The following CFI variants were observed in gnomAD, a reference collection of about 807,000 sequenced individuals.
The protein encoded by CFI is C3B/C4B inactivator.
In CFI, 66 loss-of-function variants were observed where a neutral mutation model predicts 78.8. The observed-to-expected ratio is 0.84, with a 90% CI of 0.69 to 1.03. CFI has a LOEUF of 1.03. Ranked by LOEUF, CFI falls within the 50% of genes least tolerant of loss-of-function variation. The probability of loss-of-function intolerance (pLI) is 0.00; values close to 1 mark genes in which losing one functional copy is unlikely to be tolerated. For missense variants in CFI, 706 were observed against 704.5 expected (o/e 1.00, Z -0.02); for synonymous variants, 250 against 232.6 (o/e 1.07, Z -0.68).
At chr4:109,793,350 CATGT>C (rs748145489) in intron 1 of CFI, 6 of 152,182 alleles carry the variant, frequency 3.9e-5, no homozygotes, top group Non-Finnish European at 5.9e-5. Flanking sequence ...TCTTTTAACT[CATGT>C]GGGAAAGGAA....
intron 1 of CFI, among the ~76,000 whole-genome samples, chr4:109,769,530 G>T (rs561264225): frequency 4.6e-5 from 7 of 152,096 alleles, no homozygotes; most frequent in African/African-American, 7.2e-5. Context: ...TGATTCTTAC[G>T]GCTGAGAACT....
In CFI at chr4:109,766,770, A is replaced by G. The variant is rs1727815985; in HGVS notation, c.112T>C (p.Tyr38His). The part of the protein sequence containing the change: ...LVEKKCLAKK[Y>H]THLSCDKVFC... ...ACTTTATCGCAGGAGAGGTGAGTAT[A>G]TTTTTTTGCTAAGCACTTTTTCTCC... The change falls in exon 2 of 13, where the codon TAT becomes CAT. Residue 38 changes from tyrosine (Y) to histidine (H), a missense_variant. By Grantham distance (83) the Tyr-to-His change is moderately conservative. Coordinates refer to ENST00000394634, the MANE Select transcript of CFI (RefSeq NM_000204.5). The G allele has an allele frequency of 6.2e-7, 1 of 1,614,132 alleles. No homozygotes were observed. The highest frequency in any genetic ancestry group is 8.5e-7 in the Non-Finnish European group (1 of 1,180,010).
intron 1 of CFI, among the ~76,000 whole-genome samples, chr4:109,779,010 A>G (rs986597456): frequency 2.2e-4 from 33 of 152,158 alleles, no homozygotes; most frequent in Admixed American, 3.3e-4. Context: ...TTTATGACAA[A>G]CCCACAGCCA....
chr4:109,788,618 T>C (rs1731023066), intron 1 of CFI, among the ~76,000 whole-genome samples: 1 of 152,028 alleles, frequency 6.6e-6, no homozygotes, highest in Non-Finnish European at 1.5e-5. Context: ...GTTTAGTGTA[T>C]TTGTCCCACA....
intron 1 of CFI, among the ~76,000 whole-genome samples, chr4:109,777,500 C>G (rs1729411960): frequency 6.6e-6 from 1 of 152,132 alleles, no homozygotes; most frequent in East Asian, 1.9e-4. Context: ...TAGAGACCTA[C>G]AAAGAGACTT....
In CFI at chr4:109,800,654, A is replaced by G. The variant is rs557024859; in HGVS notation, c.57+1261T>C. The stretch of plus-strand genomic sequence containing the variant: ...AAAACCGAAAACAGAAAATAGAATC[A>G]CCAGTAATCTTATTAGCCAATGATA... On this transcript the variant is annotated intron_variant, in intron 1 of 12. Transcript: ENST00000394634. Among the ~76,000 whole-genome samples, 378 of 152,150 alleles carry G rather than the reference A, an allele frequency of 2.5e-3. 3 individuals are homozygous for G. Among genetic ancestry groups the G allele is most frequent in the African/African-American group, 8.7e-3 (361 of 41,506 alleles).
chr4:109,740,809 G>T lies in CFI; in HGVS notation c.*84C>A. 1 of 1,290,298 alleles carries T rather than the reference G, an allele frequency of 7.8e-7. No individual in the cohort carries two copies. 79.9% of individuals were successfully genotyped at this position (1,290,298 alleles called of 1,614,324 possible). On this transcript the variant is annotated 3_prime_UTR_variant, in exon 13 of 13. Coordinates refer to ENST00000394634, the MANE Select transcript of CFI (RefSeq NM_000204.5). The stretch of plus-strand genomic sequence containing the variant: ...AGATTTGCTTCATTTTTCCCCCCTA[G>T]AGAATTATTAATTATACCGTTTTAT...
intron 1 of CFI, among the ~76,000 whole-genome samples, chr4:109,773,343 T>C (rs1360238074): frequency 6.6e-6 from 1 of 152,026 alleles, no homozygotes; most frequent in Non-Finnish European, 1.5e-5. Context: ...CTGGCCAACA[T>C]GGTCTCTACT....
At chr4:109,783,690 A>C (rs116771004) in intron 1 of CFI, among the ~76,000 whole-genome samples, 109 of 151,634 alleles carry the variant, frequency 7.2e-4, no homozygotes, top group African/African-American at 2.6e-3. Context: ...ACTCAGAGGA[A>C]AATAAGTTAT....
At chr4:109,745,523 A>G (rs1478482419) in intron 11 of CFI, among the ~76,000 whole-genome samples, 3 of 152,164 alleles carry the variant, frequency 2.0e-5, no homozygotes, top group Non-Finnish European at 2.9e-5. Context: ...TTCTAATCTA[A>G]TCTCTAATTC....
the CFI span, among the ~76,000 whole-genome samples, chr4:109,735,186 C>T: frequency 4.6e-5 from 7 of 152,248 alleles, no homozygotes; most frequent in African/African-American, 1.4e-4. Context: ...AATTCTTGGG[C>T]TCAAGTGATC....
intron 1 of CFI, among the ~76,000 whole-genome samples, chr4:109,770,990 G>C (rs763616482): frequency 2.6e-5 from 4 of 152,160 alleles, no homozygotes; most frequent in Non-Finnish European, 5.9e-5. Context: ...AAACAGCAAA[G>C]ATTTGAAAGT....
At chr4:109,788,506 T>C (rs1731011188) in intron 1 of CFI, among the ~76,000 whole-genome samples, 1 of 152,088 alleles carries the variant, frequency 6.6e-6, no homozygotes, top group South Asian at 2.1e-4. Context: ...CCTAACCATA[T>C]CTTTCAGTGA....
rs80330074 is a variant in CFI, at chr4:109,770,067, C to T, written c.58-3243G>A. 9.4e-3 allele frequency among the ~76,000 whole-genome samples: 1,432 copies of T among 152,246 alleles called. 65 individuals are homozygous for T. In the East Asian group the frequency reaches 0.13, roughly 13 times the overall value. On this transcript the variant is annotated intron_variant, in intron 1 of 12. Transcript: ENST00000394634. ...TGCAGGTGGGAGATGGAAGGGAAAA[C>T]GCTACCTCACTCTGTTACATAAAAT...
rs74356144 is a variant in CFI, at chr4:109,755,502, T to C, written c.904+2261A>G. ...GGCCTAATAAGAAGGGATTAGGTCA[T>C]GAGGGCTCTTCCCTCATTAATAGAT... On this transcript the variant is annotated intron_variant, in intron 7 of 12. Transcript: ENST00000394634. Among the ~76,000 whole-genome samples the C allele has an allele frequency of 9.3e-3, 1,419 of 152,292 alleles. 62 individuals carry two copies. In the East Asian group the frequency reaches 0.13, roughly 14 times the overall value.
At chr4:109,746,603 C>T in intron 10 of CFI, 101 bp from the exon 11 acceptor site, 1 of 1,008,260 alleles carries the variant, frequency 9.9e-7, no homozygotes, top group Non-Finnish European at 1.4e-6. Flanking sequence ...AAACCTTTTT[C>T]ATTTCCCCAG....
intron 1 of CFI, among the ~76,000 whole-genome samples, chr4:109,789,303 T>C (rs1355646042): frequency 6.6e-6 from 1 of 151,874 alleles, no homozygotes; most frequent in Non-Finnish European, 1.5e-5. Context: ...TGGCTGAAAT[T>C]TATCCAAATT....
At chr4:109,756,879 AGAAAGAAAG>A (rs1457955282) in intron 7 of CFI, among the ~76,000 whole-genome samples, 32 of 142,870 alleles carry the variant, frequency 2.2e-4, no homozygotes, top group Non-Finnish European at 7.6e-5. Context: ...CTCGAAAGAA[AGAAAGAAAG>A]GAAAGAAAGA....
At chr4:109,735,719 CG>C (rs1723336090), downstream of CFI, among the ~76,000 whole-genome samples, 1 of 152,172 alleles carries the variant, frequency 6.6e-6, no homozygotes, top group Non-Finnish European at 1.5e-5. Flanking sequence ...GGGAATCAGG[CG>C]GATGAGAGAG....
Sources: allele counts gnomAD v4.1 joint callset (sites outside exome capture counted in the v4.1 genomes callset), GRCh38; gene constraint gnomAD v4.1.1; transcripts MANE v1.5; gene names NCBI Gene and HGNC (gene_info 2026-07-23, HGNC 2026-07-21).